Variants in PIEZO2 observed in about 807,000 individuals in gnomAD.
The protein encoded by PIEZO2 is piezo type mechanosensitive ion channel component 2, also known as piezo-type mechanosensitive ion channel component 2.
Under a neutral mutation model 337.3 loss-of-function variants are expected in PIEZO2, and 172 were observed. That is an observed-to-expected ratio of 0.51 (90% confidence interval 0.45 to 0.58). The LOEUF is 0.58. PIEZO2 is among the 20% of genes least tolerant of loss of function. PIEZO2 has a pLI of 0.00. For synonymous variants in PIEZO2, 1,251 were observed against 1,228.5 expected, an observed-to-expected ratio of 1.02 and a Z score of -0.38; for missense variants, 3,028 against 3,391.3, an observed-to-expected ratio of 0.89 and a Z score of 2.66.
intron 3 of PIEZO2, among the ~76,000 whole-genome samples, chr18:10,913,073 C>T (rs981229995): frequency 3.9e-5 from 6 of 151,990 alleles, no homozygotes; most frequent in African/African-American, 1.4e-4. Flanking sequence ...GAGTCACATG[C>T]AAAACAATTA....
chr18:11,095,687 T>C (rs375043743), intron 1 of PIEZO2, among the ~76,000 whole-genome samples: 154 of 152,250 alleles, frequency 1.0e-3, no homozygotes, highest in African/African-American at 3.6e-3. Context: ...TGTTTTGTGG[T>C]TTATAAAAGT....
intron 7 of PIEZO2, among the ~76,000 whole-genome samples, chr18:10,816,694 G>A (rs1268707344): frequency 6.6e-6 from 1 of 152,082 alleles, no homozygotes; most frequent in Non-Finnish European, 1.5e-5. Context: ...CATCACTGAA[G>A]AAGTCAAGTT....
rs961370163 is a variant in PIEZO2, at chr18:11,032,333, C to T, written c.160+33794G>A. Among the ~76,000 whole-genome samples, 2 of 152,200 alleles carry T rather than the reference C, an allele frequency of 1.3e-5. No individual in the cohort carries two copies. Among genetic ancestry groups the T allele is most frequent in the African/African-American group, 4.8e-5 (2 of 41,454 alleles). On this transcript the variant is annotated intron_variant, in intron 2 of 55. Transcript: ENST00000674853. This position sits in a 1 kb window ranked among gnomAD's most constrained non-coding sequence, Gnocchi z 4.9. ...TCTGCAAAGGAGTAAGTGACATTTACACCACTCCTGGACATTCATTTCCGT... is the reference window on the plus strand; with the variant it reads ...TCTGCAAAGGAGTAAGTGACATTTATACCACTCCTGGACATTCATTTCCGT...
At chr18:10,736,073 C>T (rs2036981931) in intron 34 of PIEZO2, among the ~76,000 whole-genome samples, 1 of 152,114 alleles carries the variant, frequency 6.6e-6, no homozygotes, top group Non-Finnish European at 1.5e-5. Context: ...AGAAAGGTAG[C>T]TAAGCTGAAA....
At chr18:10,972,189 AAAG>A (rs2034270078) in intron 3 of PIEZO2, among the ~76,000 whole-genome samples, 1 of 151,718 alleles carries the variant, frequency 6.6e-6, no homozygotes, top group Non-Finnish European at 1.5e-5. Flanking sequence ...AAAAAAAAAA[AAAG>A]AGAGAGAGAG....
intron 1 of PIEZO2, among the ~76,000 whole-genome samples, chr18:11,071,053 T>C (rs1320258207): frequency 6.6e-6 from 1 of 152,042 alleles, no homozygotes; most frequent in Non-Finnish European, 1.5e-5. Flanking sequence ...ATGCAATAAT[T>C]TTATTGCAAT....
At chr18:10,730,017 C>T (rs578207931) in intron 36 of PIEZO2, among the ~76,000 whole-genome samples, 107 of 152,172 alleles carry the variant, frequency 7.0e-4, no homozygotes, top group African/African-American at 2.5e-3. Context: ...TAGGATGTTT[C>T]GAAATTTTTT....
rs1219351423 is a variant in PIEZO2 at position 10,716,433 on chromosome 18, C to G, written c.5090-617G>C. ...CATCTGATGTTCTGTGTGACAATTTCCCACCTGTGCTGTCACTACCCTGGT... is the reference window on the plus strand; with the variant it reads ...CATCTGATGTTCTGTGTGACAATTTGCCACCTGTGCTGTCACTACCCTGGT... On this transcript the variant is annotated intron_variant, in intron 37 of 55. Coordinates refer to ENST00000674853, the MANE Select transcript of PIEZO2 (RefSeq NM_001378183.1). This position sits in a 1 kb window ranked among gnomAD's most constrained non-coding sequence, Gnocchi z 4.1. Among the ~76,000 whole-genome samples, 1 of 152,192 alleles carries G rather than the reference C, an allele frequency of 6.6e-6. No individual in the cohort carries two copies. Among genetic ancestry groups the G allele is most frequent in the Non-Finnish European group, 1.5e-5 (1 of 68,038 alleles).
At chr18:10,733,640 G>C (rs2036879214) in intron 35 of PIEZO2, among the ~76,000 whole-genome samples, 1 of 152,062 alleles carries the variant, frequency 6.6e-6, no homozygotes, top group Admixed American at 6.6e-5. Flanking sequence ...AGTAGAGACG[G>C]GGTTTCACTG....
intron 3 of PIEZO2, among the ~76,000 whole-genome samples, chr18:10,964,614 C>T (rs756061779): frequency 1.3e-5 from 2 of 152,070 alleles, no homozygotes; most frequent in Admixed American, 1.3e-4. Context: ...AACAATTAAC[C>T]ATTTGAAAGT....
intron 1 of PIEZO2, among the ~76,000 whole-genome samples, chr18:11,076,172 G>A (rs957595846): frequency 6.6e-6 from 1 of 152,222 alleles, no homozygotes; most frequent in Non-Finnish European, 1.5e-5. Flanking sequence ...TGTGAAGGCT[G>A]ACAATGCTGC....
Position 10,794,629 on chromosome 18 carries a change from T to C in PIEZO2, c.1758+143A>G. The C allele has an allele frequency of 1.4e-6, 1 of 692,782 alleles. No homozygotes were observed. Among genetic ancestry groups the C allele is most frequent in the South Asian group, 2.1e-5 (1 of 48,422 alleles). 42.9% of individuals were successfully genotyped at this position (692,782 alleles called of 1,614,324 possible). ...AGAGGCCTCTAAGCACCGCAAACTG[T>C]TTCTTACAGTCTCATGTTTGTTCAT... On this transcript the variant is annotated intron_variant, in intron 13 of 55. Coordinates refer to ENST00000674853, the MANE Select transcript of PIEZO2 (RefSeq NM_001378183.1). This position sits in a 1 kb window ranked among gnomAD's most constrained non-coding sequence, Gnocchi z 6.6.
intron 3 of PIEZO2, among the ~76,000 whole-genome samples, chr18:10,934,636 CGTGTGTGT>C (rs59190236): frequency 0.024 from 3,183 of 130,794 alleles, 64 homozygotes; most frequent in Admixed American, 0.045. Flanking sequence ...ATTGTGTGTA[CGTGTGTGT>C]GTGTGTGTGT....
intron 3 of PIEZO2, among the ~76,000 whole-genome samples, chr18:10,970,155 G>T (rs1468362561): frequency 6.6e-6 from 1 of 152,184 alleles, no homozygotes; most frequent in Admixed American, 6.5e-5. Flanking sequence ...CCTCTACCTG[G>T]GGGTATTAAC....
rs1483593960 is a variant in PIEZO2, at chr18:10,979,993, T to G, written c.161-333A>C. The stretch of plus-strand genomic sequence containing the variant: ...TGCCAACTTTGAAGGGACAGATAAC[T>G]CCTGTCTTAGAAAAATAATTCTAGG... On this transcript the variant is annotated intron_variant, in intron 2 of 55. Transcript: ENST00000674853. The surrounding 1 kb of genome is among the most constrained non-coding windows in gnomAD (Gnocchi z 4.0). Among the ~76,000 whole-genome samples the G allele has an allele frequency of 6.6e-6, 1 of 152,288 alleles. No homozygotes were observed. The highest frequency in any genetic ancestry group is 1.9e-4 in the East Asian group (1 of 5,188).
chr18:10,852,528 G>A (rs1248233690), intron 7 of PIEZO2, among the ~76,000 whole-genome samples: 1 of 152,134 alleles, frequency 6.6e-6, no homozygotes, highest in Non-Finnish European at 1.5e-5. Context: ...TTTTACCACG[G>A]CCAAATTTTA....
In PIEZO2 at chr18:11,148,791, T is replaced by C. The variant is rs991942547; in HGVS notation, c.-203A>G. ...TGGCCGCCCCTCGCCCACCGGGCTC[T>C]GGGTAGCCCCTCACCAGGCTCTTGG... On this transcript the variant is annotated 5_prime_UTR_variant, in exon 1 of 56. Coordinates refer to ENST00000674853, the MANE Select transcript of PIEZO2 (RefSeq NM_001378183.1). The surrounding 1 kb of genome is among the most constrained non-coding windows in gnomAD (Gnocchi z 5.2). The C allele has an allele frequency of 9.7e-6, 5 of 517,096 alleles. No individual in the cohort carries two copies. The East Asian group carries it at 1.0e-4, about 11-fold the overall frequency. The allele number at this position is 517,096 out of a possible 1,614,324, so 32.0% of individuals were successfully genotyped here.
At position 10,980,801 on chromosome 18, in the gene PIEZO2, A is replaced by G. The variant is rs2034635431; in HGVS notation, c.161-1141T>C. 1.3e-5 allele frequency among the ~76,000 whole-genome samples: 2 copies of G among 152,222 alleles called. No individual in the cohort carries two copies. Among genetic ancestry groups the G allele is most frequent in the Admixed American group, 1.3e-4 (2 of 15,282 alleles). The stretch of plus-strand genomic sequence containing the variant: ...GTTTTGTCAATGTGTCAATTTGGCT[A>G]GGCTGTAAATCACAGTTATTTAATC... On this transcript the variant is annotated intron_variant, in intron 2 of 55. Coordinates refer to ENST00000674853, the MANE Select transcript of PIEZO2 (RefSeq NM_001378183.1). The surrounding 1 kb of genome is among the most constrained non-coding windows in gnomAD (Gnocchi z 4.8).
Position 10,676,769 on chromosome 18 carries a change from A to C in PIEZO2, c.8081+978T>G, listed in dbSNP as rs1289054981. Among the ~76,000 whole-genome samples the C allele has an allele frequency of 6.6e-6, 1 of 152,164 alleles. No individual in the cohort carries two copies. The highest frequency in any genetic ancestry group is 2.1e-4 in the South Asian group (1 of 4,834). On this transcript the variant is annotated intron_variant, in intron 53 of 55. Transcript: ENST00000674853. This position sits in a 1 kb window ranked among gnomAD's most constrained non-coding sequence, Gnocchi z 5.1. The stretch of plus-strand genomic sequence containing the variant: ...TCCCTAAGAAGGAACCTTGAGCCCC[A>C]CCTCTTTCCACTGAGGGTGAACGAG...
Sources: allele counts gnomAD v4.1 joint callset (sites outside exome capture counted in the v4.1 genomes callset), GRCh38; gene constraint gnomAD v4.1.1; non-coding constraint Gnocchi (gnomAD v3.1); transcripts MANE v1.5; gene names NCBI Gene and HGNC (gene_info 2026-07-23, HGNC 2026-07-21).